NAALADL2: variants seen among roughly 807,000 people sequenced by gnomAD.
The protein encoded by NAALADL2 is N-acetylated alpha-linked acidic dipeptidase like 2, also known as inactive N-acetylated-alpha-linked acidic dipeptidase-like protein 2.
Under a neutral mutation model 87.2 loss-of-function variants are expected in NAALADL2, and 76 were observed. The ratio of observed to expected loss-of-function variants is 0.87; its 90% CI spans 0.72 to 1.05. The LOEUF (loss-of-function observed/expected upper bound fraction) is 1.05, where lower values mean the gene tolerates loss of function less well. Ranked by LOEUF, NAALADL2 falls within the 50% of genes least tolerant of loss-of-function variation. The pLI, the probability that NAALADL2 is intolerant of heterozygous loss-of-function variation, is 0.00. For synonymous variants in NAALADL2, 354 were observed against 331.0 expected, an observed-to-expected ratio of 1.07 and a Z score of -0.75; for missense variants, 1,089 against 945.8, an observed-to-expected ratio of 1.15 and a Z score of -1.99.
intron 2 of NAALADL2, among the ~76,000 whole-genome samples, chr3:174,704,699 A>G (rs1448334919): frequency 1.3e-5 from 2 of 152,094 alleles, no homozygotes; most frequent in African/African-American, 4.8e-5. Context: ...ATAGATAAAA[A>G]AAAACTTCCC....
Position 175,218,156 on chromosome 3 carries a change from C to T in NAALADL2, c.546-15775C>T, listed in dbSNP as rs138343729. ...GCTTATTATTTATAAGCCAATATCT[C>T]TAAGAAGCACAATAATCTTATTCAA... On this transcript the variant is annotated intron_variant, in intron 2 of 13. Coordinates refer to ENST00000454872, the MANE Select transcript of NAALADL2 (RefSeq NM_207015.3). 1.9e-3 allele frequency: 811 copies of T among 431,218 alleles called. 7 individuals are homozygous for T. The highest frequency in any genetic ancestry group is 0.015 in the African/African-American group (748 of 49,294). The allele number at this position is 431,218 out of a possible 1,614,324, so 26.7% of individuals were successfully genotyped here.
chr3:175,123,732 C>G (rs1433782252), intron 2 of NAALADL2, among the ~76,000 whole-genome samples: 3 of 151,858 alleles, frequency 2.0e-5, no homozygotes, highest in Non-Finnish European at 4.4e-5. Flanking sequence ...CGTATTTCCT[C>G]CACTGTGAAA....
chr3:174,697,245 A>C (rs1300492887), intron 2 of NAALADL2, among the ~76,000 whole-genome samples: 3 of 152,172 alleles, frequency 2.0e-5, no homozygotes, highest in Non-Finnish European at 2.9e-5. Flanking sequence ...ACAGAGAGAA[A>C]AGTCAAAATA....
chr3:175,205,566 C>A (rs951492920), intron 2 of NAALADL2, among the ~76,000 whole-genome samples: 1 of 152,038 alleles, frequency 6.6e-6, no homozygotes, highest in African/African-American at 2.4e-5. Flanking sequence ...AACCCAAAAG[C>A]AAATGCAATA....
intron 11 of NAALADL2, among the ~76,000 whole-genome samples, chr3:175,716,333 T>A (rs1255819559): frequency 6.8e-6 from 1 of 146,976 alleles, no homozygotes; most frequent in East Asian, 2.0e-4. Flanking sequence ...CAGATATATA[T>A]GTGTATATAA....
chr3:174,574,985 C>A (rs1715367898), intron 2 of NAALADL2, among the ~76,000 whole-genome samples: 1 of 151,962 alleles, frequency 6.6e-6, no homozygotes, highest in South Asian at 2.1e-4. Context: ...CATTTTTATA[C>A]AAGACTCTTT....
chr3:175,716,338 A>T (rs968199465), intron 11 of NAALADL2, among the ~76,000 whole-genome samples: 7 of 147,354 alleles, frequency 4.8e-5, no homozygotes, highest in African/African-American at 1.7e-4. Context: ...ATATATGTGT[A>T]TATAATATAT....
rs150789135 is a variant in NAALADL2 at position 175,122,523 on chromosome 3, G to A, written c.545+25232G>A. ...GGGACTTCAAGAAGATAACTTATTG[G>A]CATATCATTAGGCAAGAAAGGGAGC... On this transcript the variant is annotated intron_variant, in intron 2 of 13. Coordinates refer to ENST00000454872, the MANE Select transcript of NAALADL2 (RefSeq NM_207015.3). Among the ~76,000 whole-genome samples the A allele has an allele frequency of 5.5e-3, 829 of 151,820 alleles. 6 individuals are homozygous for A. Among genetic ancestry groups the A allele is most frequent in the African/African-American group, 0.019 (788 of 41,468 alleles).
At chr3:175,793,710 TATTA>T (rs1268265415) in intron 13 of NAALADL2, among the ~76,000 whole-genome samples, 1 of 152,208 alleles carries the variant, frequency 6.6e-6, no homozygotes, top group African/African-American at 2.4e-5. Flanking sequence ...ATATAGTATT[TATTA>T]AAGTATTATA....
chr3:174,566,360 G>T (rs1369930723), intron 2 of NAALADL2, among the ~76,000 whole-genome samples: 1 of 151,760 alleles, frequency 6.6e-6, no homozygotes, highest in Non-Finnish European at 1.5e-5. Flanking sequence ...TTCTATTACT[G>T]ATGTGAAGGG....
At chr3:175,607,884 A>G (rs1235083989) in intron 10 of NAALADL2, among the ~76,000 whole-genome samples, 1 of 151,196 alleles carries the variant, frequency 6.6e-6, no homozygotes, top group East Asian at 2.0e-4. Context: ...GAGACAGAAG[A>G]GCAGGTGACA....
intron 4 of NAALADL2, among the ~76,000 whole-genome samples, chr3:175,306,345 A>C (rs938124591): frequency 9.2e-5 from 14 of 152,188 alleles, no homozygotes; most frequent in African/African-American, 3.4e-4. Context: ...TATATAAGGC[A>C]AATACCATTA....
rs188019209 is a variant in NAALADL2, at chr3:175,555,632, T to C, written c.1654-20409T>C. ...AAGCATGTCATACTTAGCACATGTA[T>C]AGTAAATAGCTGTTGATTGTGCAAT... On this transcript the variant is annotated intron_variant, in intron 9 of 13. Coordinates refer to ENST00000454872, the MANE Select transcript of NAALADL2 (RefSeq NM_207015.3). Among the ~76,000 whole-genome samples the C allele has an allele frequency of 8.9e-3, 1,360 of 152,290 alleles. 23 individuals are homozygous for C. Among genetic ancestry groups the C allele is most frequent in the African/African-American group, 0.031 (1,292 of 41,552 alleles).
chr3:175,054,398 T>A (rs554612213), intron 1 of NAALADL2, among the ~76,000 whole-genome samples: 64 of 152,332 alleles, frequency 4.2e-4, no homozygotes, highest in Middle Eastern at 3.4e-3. Context: ...TTTGGAATTA[T>A]AGCAGGAGAA....
intron 10 of NAALADL2, among the ~76,000 whole-genome samples, chr3:175,624,602 T>G (rs1383048267): frequency 6.6e-6 from 1 of 151,986 alleles, no homozygotes; most frequent in African/African-American, 2.4e-5. Flanking sequence ...AAAAGTGTGA[T>G]GTAACAAAAA....
intron 1 of NAALADL2, among the ~76,000 whole-genome samples, chr3:174,906,543 A>T (rs781521279): frequency 1.9e-4 from 29 of 152,252 alleles, no homozygotes; most frequent in Admixed American, 7.2e-4. Context: ...GATTTGAAGA[A>T]AGCCTCTGGT....
At chr3:175,735,242 C>G (rs1485762297) in intron 11 of NAALADL2, among the ~76,000 whole-genome samples, 1 of 152,214 alleles carries the variant, frequency 6.6e-6, no homozygotes, top group Non-Finnish European at 1.5e-5. Flanking sequence ...GAGACCACCT[C>G]ACCCTGTATT....
intron 11 of NAALADL2, among the ~76,000 whole-genome samples, chr3:175,704,181 C>A (rs1011732228): frequency 6.6e-5 from 10 of 152,082 alleles, no homozygotes; most frequent in African/African-American, 2.4e-4. Flanking sequence ...ATGAAAGAAC[C>A]TTAGTACTGT....
chr3:174,574,827 T>TA (rs1560066069), intron 2 of NAALADL2, among the ~76,000 whole-genome samples: 2 of 152,120 alleles, frequency 1.3e-5, no homozygotes, highest in Admixed American at 6.6e-5. Context: ...TTTTTGAGAT[T>TA]TATCTATGAT....
Sources: allele counts gnomAD v4.1 joint callset (sites outside exome capture counted in the v4.1 genomes callset), GRCh38; gene constraint gnomAD v4.1.1; transcripts MANE v1.5; gene names NCBI Gene and HGNC (gene_info 2026-07-23, HGNC 2026-07-21).